Variants in ATP9B observed in about 807,000 individuals in gnomAD.
ATP9B encodes ATPase phospholipid transporting 9B, also known as probable phospholipid-transporting ATPase IIB.
ATP9B carries 110 observed loss-of-function variants against 146.1 expected under a neutral mutation model. The observed-to-expected ratio is 0.75, with a 90% CI of 0.65 to 0.88. ATP9B has a LOEUF of 0.88. Ranked by LOEUF, ATP9B falls within the 40% of genes least tolerant of loss-of-function variation. The pLI is 0.00. For missense variants in ATP9B, 1,499 were observed against 1,496.4 expected (o/e 1.00, Z -0.03); for synonymous variants, 604 against 569.7 (o/e 1.06, Z -0.86).
In ATP9B at chr18:79,342,302, C is replaced by G; in HGVS notation, c.2318C>G (p.Ala773Gly). 1 of 1,613,718 alleles carries G rather than the reference C, an allele frequency of 6.2e-7. No homozygotes were observed. The highest frequency in any genetic ancestry group is 8.5e-7 in the Non-Finnish European group (1 of 1,179,742). Residue 773 changes from alanine (A) to glycine (G), a missense_variant, in exon 20 of 30, where the codon GCT becomes GGT. Transcript: ENST00000426216. Reference protein sequence around the residue: ...WMLTGDKLETATCIAKSSHLV... With the variant: ...WMLTGDKLETGTCIAKSSHLV... ...CTAACAGGCGATAAACTCGAGACAG[C>G]TACCTGCATTGCCAAAAGTTCACAT... is the stretch of plus-strand genomic sequence containing the variant.
intron 10 of ATP9B, chr18:79,209,595 G>C: frequency 1.1e-6 from 1 of 936,880 alleles, no homozygotes; most frequent in Non-Finnish European, 1.3e-6. Context: ...GGACACTAAT[G>C]AGGCATCGTA....
At chr18:79,263,184 A>T (rs532700428) in intron 12 of ATP9B, among the ~76,000 whole-genome samples, 1 of 152,296 alleles carries the variant, frequency 6.6e-6, no homozygotes, top group East Asian at 1.9e-4. Flanking sequence ...CTTTTCCTAA[A>T]GGTTTGCCAC....
At chr18:79,150,187 C>T (rs967492031) in intron 6 of ATP9B, among the ~76,000 whole-genome samples, 1 of 151,900 alleles carries the variant, frequency 6.6e-6, no homozygotes, top group Non-Finnish European at 1.5e-5. Context: ...TCTATCAGAA[C>T]AGCTAAAATG....
chr18:79,213,497 G>T (rs2148413887), intron 10 of ATP9B, among the ~76,000 whole-genome samples: 1 of 152,034 alleles, frequency 6.6e-6, no homozygotes, highest in Middle Eastern at 3.4e-3. Context: ...ATTAGCAAAG[G>T]CTGTCACTGA....
intron 12 of ATP9B, among the ~76,000 whole-genome samples, chr18:79,257,079 C>T (rs2096089720): frequency 6.6e-6 from 1 of 152,208 alleles, no homozygotes. Context: ...GCAGGTGGAT[C>T]ACCTGAGGTC....
chr18:79,132,592 C>T (rs1397815059), intron 5 of ATP9B, among the ~76,000 whole-genome samples: 2 of 152,116 alleles, frequency 1.3e-5, no homozygotes, highest in African/African-American at 2.4e-5. Flanking sequence ...GAGTAAAATC[C>T]GTAGTATTAA....
At chr18:79,073,883 T>C (rs764733611) in intron 1 of ATP9B, among the ~76,000 whole-genome samples, 25 of 152,374 alleles carry the variant, frequency 1.6e-4, no homozygotes, top group South Asian at 6.2e-4. Flanking sequence ...AGTATCTGAG[T>C]TAGCTCAGTG....
intron 7 of ATP9B, among the ~76,000 whole-genome samples, chr18:79,173,012 A>G (rs1255129281): frequency 2.0e-5 from 3 of 152,076 alleles, no homozygotes; most frequent in Admixed American, 2.0e-4. Context: ...TGGGACATCT[A>G]GTTTTGCCAC....
At chr18:79,119,926 C>T (rs1474405030) in intron 4 of ATP9B, among the ~76,000 whole-genome samples, 3 of 152,130 alleles carry the variant, frequency 2.0e-5, no homozygotes, top group African/African-American at 4.8e-5. Flanking sequence ...CTTTTAAAAA[C>T]GCTGAAAATC....
chr18:79,302,036 T>C (rs932217948), intron 13 of ATP9B, among the ~76,000 whole-genome samples: 10 of 152,188 alleles, frequency 6.6e-5, no homozygotes, highest in Non-Finnish European at 1.3e-4. Context: ...GAAAATAGTT[T>C]GGGTTATATT....
At chr18:79,123,519 CTT>C (rs1041190520) in intron 4 of ATP9B, among the ~76,000 whole-genome samples, 2 of 144,668 alleles carry the variant, frequency 1.4e-5, no homozygotes, top group Admixed American at 1.4e-4. Flanking sequence ...TCCTAGCTGG[CTT>C]TTTTTTTTTC....
At chr18:79,154,100 C>T (rs1035101128) in intron 6 of ATP9B, among the ~76,000 whole-genome samples, 1 of 150,670 alleles carries the variant, frequency 6.6e-6, no homozygotes, top group African/African-American at 2.5e-5. Context: ...ACTACAGGTG[C>T]CTGCCACCAC....
chr18:79,170,839 G>A (rs962723243), intron 7 of ATP9B, among the ~76,000 whole-genome samples: 1 of 152,154 alleles, frequency 6.6e-6, no homozygotes, highest in Non-Finnish European at 1.5e-5. Flanking sequence ...TGATTGTGAC[G>A]CCAAATTTAT....
intron 9 of ATP9B, among the ~76,000 whole-genome samples, chr18:79,199,588 C>A (rs555634397): frequency 3.2e-4 from 48 of 151,412 alleles, no homozygotes; most frequent in African/African-American, 1.0e-3. Context: ...TATGGTGAAA[C>A]CCCATCTCTA....
chr18:79,277,264 T>A (rs2096321926), intron 13 of ATP9B, 68 bp downstream of exon 13: 1 of 1,566,260 alleles, frequency 6.4e-7, no homozygotes. Context: ...TAGCATAGCG[T>A]ATAGATATAT....
intron 11 of ATP9B, among the ~76,000 whole-genome samples, chr18:79,228,760 T>C (rs888462439): frequency 6.6e-6 from 1 of 152,176 alleles, no homozygotes; most frequent in East Asian, 1.9e-4. Context: ...CTGGACATGG[T>C]TCGCCTGTAA....
chr18:79,313,965 G>T (rs2096666069), intron 15 of ATP9B, among the ~76,000 whole-genome samples: 1 of 152,152 alleles, frequency 6.6e-6, no homozygotes, highest in Non-Finnish European at 1.5e-5. Context: ...TCATCTAAAT[G>T]GTTCATTATT....
At chr18:79,251,475 ATTAGCTTGTAGGTAAAATCTTATAG>A (rs1292452600) in intron 11 of ATP9B, among the ~76,000 whole-genome samples, 5 of 152,216 alleles carry the variant, frequency 3.3e-5, no homozygotes, top group Non-Finnish European at 7.3e-5. Context: ...CTCCTACTAG[ATTAGCTTGTAGGTAAAATCTTATAG>A]TTAGCTTATT....
chr18:79,186,400 GC>G (rs1190529631), intron 8 of ATP9B, among the ~76,000 whole-genome samples: 1 of 151,958 alleles, frequency 6.6e-6, no homozygotes, highest in Non-Finnish European at 1.5e-5. Context: ...TCATTATTGT[GC>G]CATTTATTCA....
Sources: allele counts gnomAD v4.1 joint callset (sites outside exome capture counted in the v4.1 genomes callset), GRCh38; gene constraint gnomAD v4.1.1; transcripts MANE v1.5; gene names NCBI Gene and HGNC (gene_info 2026-07-23, HGNC 2026-07-21).